The following PRRG1 variants were observed in gnomAD, a reference collection of about 807,000 sequenced individuals.
PRRG1 encodes the protein transmembrane gamma-carboxyglutamic acid protein 1.
Under a neutral mutation model 11.8 loss-of-function variants are expected in PRRG1, and 5 were observed. That is an observed-to-expected ratio of 0.42 (90% CI 0.22 to 0.89). The LOEUF is 0.89. Among genes scored for constraint, PRRG1 ranks in the 40% least tolerant of loss-of-function variants. PRRG1 has a pLI of 0.28. For synonymous variants in PRRG1, 66 were observed against 60.4 expected, an observed-to-expected ratio of 1.09 and a Z score of -0.43; for missense variants, 155 against 166.1, an observed-to-expected ratio of 0.93 and a Z score of 0.37.
rs183902034 is a variant in PRRG1, at chrX:37,456,505, A to G, written c.*2884A>G. On this transcript the variant is annotated 3_prime_UTR_variant, in exon 4 of 4. Coordinates refer to ENST00000378628, the MANE Select transcript of PRRG1 (RefSeq NM_001142395.2). ...TCAAAGAACATTCTACTTCACAGTA[A>G]TAGCTCTATCAGCCACAGATCTCAT... The G allele has an allele frequency of 1.3e-4, 15 of 112,594 alleles. No individual in the cohort carries two copies. The East Asian group carries it at 3.6e-3, about 27-fold the overall frequency. 9.3% of individuals were successfully genotyped at this position (112,594 alleles called of 1,213,427 possible). A position where few individuals can be genotyped will look rare whatever the true frequency, so the allele number is the denominator to read the frequency against.
intron 1 of PRRG1, among the ~76,000 whole-genome samples, chrX:37,360,361 G>C (rs978532023): frequency 2.7e-5 from 3 of 111,887 alleles, no homozygotes; most frequent in Non-Finnish European, 3.8e-5. Context: ...TTTTCACTTA[G>C]TTCAAAATAT....
intron 1 of PRRG1, among the ~76,000 whole-genome samples, chrX:37,361,389 G>T (rs5918412): frequency 0.31 from 33,817 of 110,116 alleles, 7,204 homozygotes; most frequent in African/African-American, 0.77. Flanking sequence ...CATTATTGTG[G>T]GGTAATAATT....
chrX:37,450,688 A>C (rs993764054), intron 3 of PRRG1, among the ~76,000 whole-genome samples: 3 of 112,055 alleles, frequency 2.7e-5, no homozygotes, highest in Non-Finnish European at 3.8e-5. Flanking sequence ...TTTTTGGATA[A>C]ATTGAAATAG....
chrX:37,357,662 C>T (rs139377453), intron 1 of PRRG1, among the ~76,000 whole-genome samples: 2,700 of 111,982 alleles, frequency 0.024, 77 homozygotes, highest in African/African-American at 0.082. Context: ...ATATGCCTTT[C>T]GCCCATTAGT....
intron 3 of PRRG1, among the ~76,000 whole-genome samples, chrX:37,438,430 CTTTTTTTTTTTTTTT>C (rs782783420): frequency 2.9e-5 from 2 of 69,043 alleles, no homozygotes; most frequent in Admixed American, 1.7e-4. Context: ...GAATTTTTTC[CTTTTTTTTTTTTTTT>C]TTTTTTTTGA....
At chrX:37,420,687 AGAAAAG>A (rs1233378874) in intron 2 of PRRG1, among the ~76,000 whole-genome samples, 2 of 93,187 alleles carry the variant, frequency 2.1e-5, no homozygotes, top group African/African-American at 1.1e-4. Flanking sequence ...AAAAAAAAAA[AGAAAAG>A]AAAGAAAAAA....
intron 1 of PRRG1, among the ~76,000 whole-genome samples, chrX:37,399,343 A>C (rs1368169708): frequency 2.4e-4 from 26 of 109,849 alleles, no homozygotes; most frequent in African/African-American, 8.3e-4. Context: ...TCTTAAAGAA[A>C]AGAATTTTCA....
chrX:37,406,666 T>TA (rs1426022350), intron 2 of PRRG1, among the ~76,000 whole-genome samples: 25 of 109,964 alleles, frequency 2.3e-4, no homozygotes, highest in African/African-American at 7.2e-4. Flanking sequence ...ATAACAGTAG[T>TA]AAAAAAAAAT....
intron 1 of PRRG1, among the ~76,000 whole-genome samples, chrX:37,358,020 G>A (rs1442762650): frequency 1.8e-5 from 2 of 111,091 alleles, no homozygotes; most frequent in Non-Finnish European, 3.8e-5. Context: ...CTTTCCATAT[G>A]TTTATTTGTC....
chrX:37,368,701 GT>G (rs373499744), intron 1 of PRRG1, among the ~76,000 whole-genome samples: 1 of 108,175 alleles, frequency 9.2e-6, no homozygotes, highest in Non-Finnish European at 1.9e-5. Context: ...CCTAAGATCT[GT>G]TTTTTTTTAT....
At chrX:37,417,144 G>T (rs1184485957) in intron 2 of PRRG1, among the ~76,000 whole-genome samples, 1 of 110,984 alleles carries the variant, frequency 9.0e-6, no homozygotes, top group African/African-American at 3.3e-5. Flanking sequence ...CTGTTATCTG[G>T]TATTTCATTG....
intron 1 of PRRG1, among the ~76,000 whole-genome samples, chrX:37,398,292 G>A (rs1051750218): frequency 9.0e-6 from 1 of 111,386 alleles, no homozygotes; most frequent in Admixed American, 9.5e-5. Context: ...ACTTCCAGAG[G>A]AACGATCAGA....
At chrX:37,358,318 A>G (rs1352677021) in intron 1 of PRRG1, among the ~76,000 whole-genome samples, 1 of 111,529 alleles carries the variant, frequency 9.0e-6, no homozygotes, top group Non-Finnish European at 1.9e-5. Flanking sequence ...ACTCATTACC[A>G]TATTAGAGGT....
intron 3 of PRRG1, among the ~76,000 whole-genome samples, chrX:37,451,530 G>A (rs17145199): frequency 0.013 from 1,497 of 111,724 alleles, 33 homozygotes; most frequent in African/African-American, 0.045. Context: ...TCAGCTTTTC[G>A]ATATTATCCT....
intron 1 of PRRG1, among the ~76,000 whole-genome samples, chrX:37,357,783 A>G (rs897529620): frequency 8.9e-6 from 1 of 112,213 alleles, no homozygotes; most frequent in African/African-American, 3.2e-5. Flanking sequence ...TTCTCCATGG[A>G]TCAAGGAGGA....
chrX:37,386,882 A>G lies in PRRG1; in HGVS notation c.-41-19327A>G, dbSNP rs919280858. On this transcript the variant is annotated intron_variant, in intron 1 of 3. Transcript: ENST00000378628. ...CACTATGTTATTATCTGCTGCTGTT[A>G]TTATTCCCATGGTTTGTTATGCTAA... Among the ~76,000 whole-genome samples, 4 of 112,548 alleles carry G rather than the reference A, an allele frequency of 3.6e-5. No homozygotes were observed. The South Asian group carries it at 1.1e-3, about 31-fold the overall frequency.
intron 1 of PRRG1, among the ~76,000 whole-genome samples, chrX:37,379,977 C>T (rs894448384): frequency 2.7e-5 from 3 of 111,211 alleles, no homozygotes; most frequent in Admixed American, 9.6e-5. Context: ...ATTTGAATGC[C>T]ATAGATATTC....
chrX:37,423,286 A>G (rs1556387562), intron 2 of PRRG1, among the ~76,000 whole-genome samples: 1 of 111,023 alleles, frequency 9.0e-6, no homozygotes, highest in Non-Finnish European at 1.9e-5. Flanking sequence ...AGTAAAAAAT[A>G]CAATAAAATT....
At chrX:37,351,033 G>A (rs782389337) in intron 1 of PRRG1, among the ~76,000 whole-genome samples, 1 of 111,123 alleles carries the variant, frequency 9.0e-6, no homozygotes, top group South Asian at 3.9e-4. Context: ...TCTCCAGAGT[G>A]AATTAATCAC....
Sources: allele counts gnomAD v4.1 joint callset (sites outside exome capture counted in the v4.1 genomes callset), GRCh38; gene constraint gnomAD v4.1.1; transcripts MANE v1.5; gene names NCBI Gene and HGNC (gene_info 2026-07-23, HGNC 2026-07-21).